Variants in LRRCC1 observed in about 807,000 individuals in gnomAD.
LRRCC1 encodes leucine rich repeat and coiled-coil centrosomal protein 1.
In LRRCC1, 115 loss-of-function variants were observed where a neutral mutation model predicts 126.0. That is an observed-to-expected ratio of 0.91 (90% CI 0.78 to 1.07). The LOEUF (loss-of-function observed/expected upper bound fraction) is 1.07. LRRCC1 is among the 50% of genes least tolerant of loss of function. LRRCC1 has a pLI of 0.00. For missense variants in LRRCC1, 1,172 were observed against 1,175.7 expected, an observed-to-expected ratio of 1.00 and a Z score of 0.05; for synonymous variants, 400 against 393.4, an observed-to-expected ratio of 1.02 and a Z score of -0.20.
chr8:85,121,175 C>T (rs1809522007), intron 6 of LRRCC1, among the ~76,000 whole-genome samples: 2 of 152,092 alleles, frequency 1.3e-5, no homozygotes, highest in Admixed American at 1.3e-4. Context: ...TTACTTTTAA[C>T]CTGTTTGTGT....
At chr8:85,145,139 ATG>A (rs1255069014) in intron 18 of LRRCC1, among the ~76,000 whole-genome samples, 4 of 150,176 alleles carry the variant, frequency 2.7e-5, no homozygotes, top group African/African-American at 9.8e-5. Flanking sequence ...ATATATAGCC[ATG>A]TCTTTTTCAC....
Position 85,136,035 on chromosome 8 carries a change from A to G in LRRCC1, c.2329+72A>G, listed in dbSNP as rs1810836439. 6 of 1,278,336 alleles carry G rather than the reference A, an allele frequency of 4.7e-6. No homozygotes were observed. The South Asian group carries it at 1.1e-4, about 23-fold the overall frequency. 79.2% of individuals were successfully genotyped at this position (1,278,336 alleles called of 1,614,324 possible). A position where few individuals can be genotyped will look rare whatever the true frequency, so the allele number is the denominator to read the frequency against. ...TGAGCAAATCTGGGTATTGGAGAGA[A>G]AAAGACTCAACTCTGCCTAAAGATG... On this transcript the variant is annotated intron_variant, in intron 14 of 18. Coordinates refer to ENST00000360375, the MANE Select transcript of LRRCC1 (RefSeq NM_033402.5).
At position 85,109,493 on chromosome 8, in the gene LRRCC1, T is replaced by A. The variant is rs186190312; in HGVS notation, c.105-102T>A. 4.0e-5 allele frequency: 25 copies of A among 632,418 alleles called. No individual in the cohort carries two copies. In the Admixed American group the frequency reaches 7.5e-4, roughly 19 times the overall value. 39.2% of individuals were successfully genotyped at this position (632,418 alleles called of 1,614,324 possible). A position where few individuals can be genotyped will look rare whatever the true frequency, so the allele number is the denominator to read the frequency against. On this transcript the variant is annotated intron_variant, in intron 1 of 18. Transcript: ENST00000360375. ...AAATAGGAAAGATTTCATTCTAGAA[T>A]GAATAGAGCACATATTTAGTATCTA...
chr8:85,115,035 T>A (rs1238684230), intron 4 of LRRCC1, 65 bp from the exon 5 acceptor site: 6 of 1,308,068 alleles, frequency 4.6e-6, no homozygotes, highest in Non-Finnish European at 3.1e-6. Context: ...TAAATTTAGT[T>A]TATTCTAGAA....
chr8:85,108,313 C>T (rs1238884542), intron 1 of LRRCC1, among the ~76,000 whole-genome samples: 1 of 152,238 alleles, frequency 6.6e-6, no homozygotes, highest in Non-Finnish European at 1.5e-5. Flanking sequence ...CTGCCATTTA[C>T]TGAATGCTAT....
intron 6 of LRRCC1, among the ~76,000 whole-genome samples, chr8:85,121,885 G>A (rs1036811777): frequency 6.6e-6 from 1 of 152,122 alleles, no homozygotes; most frequent in Non-Finnish European, 1.5e-5. Flanking sequence ...AAATCAACTT[G>A]TGATGCTCTT....
At chr8:85,107,590 A>G in intron 1 of LRRCC1, 191 bp downstream of exon 1, 1 of 495,050 alleles carries the variant, frequency 2.0e-6, no homozygotes, top group Non-Finnish European at 3.6e-6. Flanking sequence ...TGAGCCGTGG[A>G]TGCCTTCCCG....
rs781467429 is a variant in LRRCC1 at position 85,107,303 on chromosome 8, C to T, written c.8C>T (p.Ala3Val). Reference protein sequence around the residue: MEAAAAVVAAEAE... With the variant: MEVAAAVVAAEAE... ...CTCCCCGTCGCCAGTGCTATGGAGGCGGCGGCGGCGGTGGTGGCGGCAGAG... is the reference window on the plus strand; with the variant it reads ...CTCCCCGTCGCCAGTGCTATGGAGGTGGCGGCGGCGGTGGTGGCGGCAGAG... Residue 3 changes from alanine to valine, a missense_variant, in exon 1 of 19, where the codon GCG becomes GTG. Ala to Val is a moderately conservative substitution (Grantham distance 64). Coordinates refer to ENST00000360375, the MANE Select transcript of LRRCC1 (RefSeq NM_033402.5). 4 of 1,607,690 alleles carry T rather than the reference C, an allele frequency of 2.5e-6. No individual in the cohort carries two copies. Among genetic ancestry groups the T allele is most frequent in the East Asian group, 2.2e-5 (1 of 44,698 alleles).
At chr8:85,123,724 C>T (rs1043756764) in intron 7 of LRRCC1, 118 bp downstream of exon 7, 20 of 747,516 alleles carry the variant, frequency 2.7e-5, no homozygotes, top group Non-Finnish European at 3.7e-5. Context: ...TTTGATTTTT[C>T]AGCCTTGCAG....
chr8:85,128,275 C>T (rs148878226), intron 9 of LRRCC1, among the ~76,000 whole-genome samples: 1,793 of 152,228 alleles, frequency 0.012, 21 homozygotes, highest in Non-Finnish European at 0.018. Flanking sequence ...GGGCTGCTAG[C>T]CAAAGTCCAT....
In LRRCC1 at chr8:85,115,467, G is replaced by A. The variant is rs771271938; in HGVS notation, c.813G>A (p.Thr271=). 16 of 1,613,086 alleles carry A rather than the reference G, an allele frequency of 9.9e-6. No homozygotes were observed. The highest frequency in any genetic ancestry group is 4.5e-5 in the East Asian group (2 of 44,840). ...GTACACCAAGTGATGCTGTGTTGACGTCTTTTATGTCTGTGTGTCAATCTT... is the reference window on the plus strand; with the variant it reads ...GTACACCAAGTGATGCTGTGTTGACATCTTTTATGTCTGTGTGTCAATCTT... ...FASTPSDAVL[T]SFMSVCQSSE... is the part of the protein sequence containing the mutation. Residue 271 remains threonine (T), a synonymous_variant, in exon 6 of 19, where the codon ACG becomes ACA. Coordinates refer to ENST00000360375, the MANE Select transcript of LRRCC1 (RefSeq NM_033402.5).
At position 85,137,635 on chromosome 8, in the gene LRRCC1, T is replaced by C. The variant is rs753096856; in HGVS notation, c.2493+8T>C. On this transcript the variant is annotated splice_region_variant and intron_variant, in intron 15 of 18. Coordinates refer to ENST00000360375, the MANE Select transcript of LRRCC1 (RefSeq NM_033402.5). ...ATTAGAAAATTAAAAGATGTAAGTTTGACATTTTATTTTGGTTAAAGAGCA... is the reference window on the plus strand; with the variant it reads ...ATTAGAAAATTAAAAGATGTAAGTTCGACATTTTATTTTGGTTAAAGAGCA... 2.1e-6 allele frequency: 3 copies of C among 1,426,484 alleles called. No individual in the cohort carries two copies. Among genetic ancestry groups the C allele is most frequent in the East Asian group, 5.3e-5 (2 of 37,856 alleles). 88.4% of individuals were successfully genotyped at this position (1,426,484 alleles called of 1,614,324 possible). A position where few individuals can be genotyped will look rare whatever the true frequency, so the allele number is the denominator to read the frequency against.
chr8:85,119,729 C>T lies in LRRCC1; in HGVS notation c.931-3684C>T, dbSNP rs113528762. Among the ~76,000 whole-genome samples the T allele has an allele frequency of 4.4e-3, 665 of 152,166 alleles. 4 individuals carry two copies. Among genetic ancestry groups the T allele is most frequent in the African/African-American group, 0.015 (627 of 41,522 alleles). On this transcript the variant is annotated intron_variant, in intron 6 of 18. Coordinates refer to ENST00000360375, the MANE Select transcript of LRRCC1 (RefSeq NM_033402.5). ...CCCAGGCTGGTCTCGAACTCTTGGCCTCAAGCGATCCTCCTGCCTCTGCCT... is the reference window on the plus strand; with the variant it reads ...CCCAGGCTGGTCTCGAACTCTTGGCTTCAAGCGATCCTCCTGCCTCTGCCT...
In LRRCC1 at chr8:85,115,145, T is replaced by C; in HGVS notation, c.590T>C (p.Leu197Pro). The C allele has an allele frequency of 6.2e-7, 1 of 1,612,832 alleles. No individual in the cohort carries two copies. The highest frequency in any genetic ancestry group is 8.5e-7 in the Non-Finnish European group (1 of 1,179,350). Residue 197 changes from leucine to proline, a missense_variant, in exon 5 of 19, where the codon CTA (leucine) becomes CCA (proline). Transcript: ENST00000360375. Reference sequence around the variant, plus strand: ...CAGACTTTGCCACAGCTTAGAATCCTAGATTGCAAGAACATATTTGGTGAA... The same window carrying C: ...CAGACTTTGCCACAGCTTAGAATCCCAGATTGCAAGAACATATTTGGTGAA... ...ILQTLPQLRI[L>P]DCKNIFGEPV...
intron 6 of LRRCC1, among the ~76,000 whole-genome samples, chr8:85,118,691 A>C (rs145686713): frequency 7.1e-4 from 108 of 152,202 alleles, no homozygotes; most frequent in African/African-American, 2.5e-3. Flanking sequence ...ATGCCTGTTC[A>C]AAATTTTTGC....
At chr8:85,116,466 T>C (rs909626035) in intron 6 of LRRCC1, among the ~76,000 whole-genome samples, 16 of 152,102 alleles carry the variant, frequency 1.1e-4, no homozygotes, top group Non-Finnish European at 1.8e-4. Flanking sequence ...CTCGAATTCC[T>C]GAGCCCAAGA....
At chr8:85,116,441 A>G (rs1809130010) in intron 6 of LRRCC1, among the ~76,000 whole-genome samples, 1 of 152,000 alleles carries the variant, frequency 6.6e-6, no homozygotes, top group African/African-American at 2.4e-5. Flanking sequence ...TGGCATGAAC[A>G]TAGCTCACTG....
chr8:85,121,354 A>G (rs1809532700), intron 6 of LRRCC1, among the ~76,000 whole-genome samples: 1 of 151,688 alleles, frequency 6.6e-6, no homozygotes, highest in Admixed American at 6.6e-5. Flanking sequence ...TGTCTCTTTT[A>G]TATTCATTTT....
intron 8 of LRRCC1, among the ~76,000 whole-genome samples, chr8:85,125,280 T>C (rs1809888158): frequency 6.6e-6 from 1 of 152,104 alleles, no homozygotes; most frequent in South Asian, 2.1e-4. Context: ...TTACAGGTCT[T>C]CTCAAAGAAG....
Sources: gnomAD v4.1 joint callset for allele counts (sites outside exome capture counted in the v4.1 genomes callset) on GRCh38, gnomAD v4.1.1 for gene constraint, MANE v1.5 for transcripts, NCBI Gene and HGNC (gene_info 2026-07-23, HGNC 2026-07-21) for gene names.